Variants in HMGXB4 observed in about 807,000 individuals in gnomAD.
HMGXB4 encodes HMG domain-containing protein 4.
In HMGXB4, 27 loss-of-function variants were observed where a neutral mutation model predicts 63.9. That is an observed-to-expected ratio of 0.42 (90% CI 0.31 to 0.58). The LOEUF (loss-of-function observed/expected upper bound fraction) is 0.58. HMGXB4 is among the 20% of genes least tolerant of loss of function. The pLI is 0.13. For missense variants in HMGXB4, 624 were observed against 700.7 expected (o/e 0.89, Z 1.24); for synonymous variants, 264 against 265.3 (o/e 0.99, Z 0.05).
upstream of HMGXB4, among the ~76,000 whole-genome samples, chr22:35,255,242 A>T (rs1051811567): frequency 3.2e-4 from 48 of 152,122 alleles, no homozygotes; most frequent in Non-Finnish European, 1.5e-4. Flanking sequence ...TCACATCTGT[A>T]ATCCCAGCAC....
upstream of HMGXB4, among the ~76,000 whole-genome samples, chr22:35,256,069 T>C (rs1429601708): frequency 6.6e-6 from 1 of 152,202 alleles, no homozygotes; most frequent in Non-Finnish European, 1.5e-5. Context: ...ACAGAATCAA[T>C]CTTCTACTCA....
intron 5 of HMGXB4, among the ~76,000 whole-genome samples, chr22:35,265,820 T>C (rs1923205391): frequency 6.6e-6 from 1 of 150,874 alleles, no homozygotes; most frequent in Non-Finnish European, 1.5e-5. Context: ...GGAGTCTCGC[T>C]CTGTCGCCCA....
In HMGXB4 at chr22:35,285,073, T is replaced by C. The variant is rs144190778; in HGVS notation, c.1298-924T>C. On this transcript the variant is annotated intron_variant, in intron 6 of 10. Transcript: ENST00000216106. ...TTTTTCAAATTCTACACATATTTTTTAACCTAAGTTGATAGGCCTTGTATT... is the reference window on the plus strand; with the variant it reads ...TTTTTCAAATTCTACACATATTTTTCAACCTAAGTTGATAGGCCTTGTATT... 2.6e-5 allele frequency among the ~76,000 whole-genome samples: 4 copies of C among 152,342 alleles called. No individual in the cohort carries two copies. The East Asian group carries it at 7.7e-4, about 29-fold the overall frequency.
chr22:35,283,754 C>T (rs1457398346), intron 5 of HMGXB4, among the ~76,000 whole-genome samples: 1 of 152,008 alleles, frequency 6.6e-6, no homozygotes, highest in Non-Finnish European at 1.5e-5. Flanking sequence ...TGCGCCACTG[C>T]ACTCCAGCCT....
chr22:35,241,828 TC>T, the HMGXB4 span, among the ~76,000 whole-genome samples: 1 of 152,258 alleles, frequency 6.6e-6, no homozygotes, highest in Middle Eastern at 3.4e-3. Context: ...GGTCTGTGGG[TC>T]CTCTCAGGAT....
chr22:35,253,597 TTG>T (rs561782192), upstream of HMGXB4, among the ~76,000 whole-genome samples: 1 of 125,846 alleles, frequency 7.9e-6, no homozygotes. Flanking sequence ...CTCTTGGATT[TTG>T]TGCGCGCGCG....
rs771053984 is a variant in HMGXB4, at chr22:35,287,341, T to C, written c.1363-6T>C. 1.2e-6 allele frequency: 2 copies of C among 1,602,564 alleles called. No individual in the cohort carries two copies. The highest frequency in any genetic ancestry group is 1.7e-6 in the Non-Finnish European group (2 of 1,170,324). On this transcript the variant is annotated splice_region_variant and splice_polypyrimidine_tract_variant and intron_variant, in intron 7 of 10. Coordinates refer to ENST00000216106, the MANE Select transcript of HMGXB4 (RefSeq NM_001003681.3). The stretch of plus-strand genomic sequence containing the variant: ...TTTAATTTAATGTTCACTGATGTGA[T>C]TGCAGATTTGGAAGCAAAAAGCTCA...
At chr22:35,272,332 C>T (rs1923655115) in intron 5 of HMGXB4, among the ~76,000 whole-genome samples, 1 of 150,330 alleles carries the variant, frequency 6.7e-6, no homozygotes, top group Non-Finnish European at 1.5e-5. Context: ...AACGCAGCAG[C>T]GGTGGGCTCT....
intron 5 of HMGXB4, among the ~76,000 whole-genome samples, chr22:35,278,180 CTTTCT>C (rs1924023268): frequency 6.6e-6 from 1 of 152,148 alleles, no homozygotes; most frequent in Non-Finnish European, 1.5e-5. Flanking sequence ...TGGCTCGACC[CTTTCT>C]TTTTTTCCTG....
intron 5 of HMGXB4, among the ~76,000 whole-genome samples, chr22:35,278,980 AAGACTGTAGTGAGCT>A (rs1924072592): frequency 6.6e-6 from 1 of 151,916 alleles, no homozygotes; most frequent in Admixed American, 6.6e-5. Context: ...CCAGGAATTC[AAGACTGTAGTGAGCT>A]ATGATCGCAC....
Position 35,293,942 on chromosome 22 carries a change from G to A in HMGXB4, c.*291G>A, listed in dbSNP as rs374043358. On this transcript the variant is annotated 3_prime_UTR_variant, in exon 11 of 11. Coordinates refer to ENST00000216106, the MANE Select transcript of HMGXB4 (RefSeq NM_001003681.3). ...GGATAAATCTGCCTTAAAAATCAAT[G>A]TAACTTGGGGGCTGGGGGCTTGTTC... 4 of 204,150 alleles carry A rather than the reference G, an allele frequency of 2.0e-5. No homozygotes were observed. In the Admixed American group the frequency reaches 2.3e-4, roughly 12 times the overall value. The allele number at this position is 204,150 out of a possible 1,614,324, so 12.6% of individuals were successfully genotyped here.
At chr22:35,293,259 T>C (rs928338360) in intron 10 of HMGXB4, 145 bp downstream of exon 10, 3 of 916,272 alleles carry the variant, frequency 3.3e-6, no homozygotes, top group Admixed American at 4.5e-5. Flanking sequence ...TGCTATATTA[T>C]CAAATGCATG....
At chr22:35,266,945 C>A (rs1312639641) in intron 5 of HMGXB4, among the ~76,000 whole-genome samples, 3 of 152,110 alleles carry the variant, frequency 2.0e-5, no homozygotes, top group Non-Finnish European at 4.4e-5. Context: ...AATCTTGCCA[C>A]TGCAACTTCA....
At chr22:35,290,827 T>C (rs1423060071) in intron 9 of HMGXB4, among the ~76,000 whole-genome samples, 1 of 152,174 alleles carries the variant, frequency 6.6e-6, no homozygotes, top group Non-Finnish European at 1.5e-5. Flanking sequence ...TACAGTGACA[T>C]TCATGACATC....
Position 35,264,835 on chromosome 22 carries a change from G to A in HMGXB4, c.447G>A (p.Arg149=). The part of the protein sequence containing the change: ...SHSESKKEHH[R]KKVSGSSGEL... ...CGGAGAGTAAAAAGGAGCACCACAGGAAGAAAGTCAGTGGAAGCAGTGGGG... is the reference window on the plus strand; with the variant it reads ...CGGAGAGTAAAAAGGAGCACCACAGAAAGAAAGTCAGTGGAAGCAGTGGGG... Residue 149 remains arginine, a synonymous_variant, in exon 5 of 11, where the codon AGG becomes AGA. Transcript: ENST00000216106. The A allele has an allele frequency of 6.2e-7, 1 of 1,614,072 alleles. No homozygotes were observed.
At chr22:35,290,294 T>C (rs1215224936) in intron 9 of HMGXB4, among the ~76,000 whole-genome samples, 2 of 152,184 alleles carry the variant, frequency 1.3e-5, no homozygotes, top group Admixed American at 1.3e-4. Flanking sequence ...TTTTAATATA[T>C]TCACAGAATT....
At chr22:35,281,944 T>C (rs927660228) in intron 5 of HMGXB4, among the ~76,000 whole-genome samples, 2 of 152,204 alleles carry the variant, frequency 1.3e-5, no homozygotes, top group African/African-American at 4.8e-5. Flanking sequence ...TCACATAAGC[T>C]TTTTATTGCC....
chr22:35,254,051 G>A (rs564939670), upstream of HMGXB4, among the ~76,000 whole-genome samples: 3 of 152,202 alleles, frequency 2.0e-5, no homozygotes, highest in South Asian at 2.1e-4. Context: ...AGACAAAGAC[G>A]CTGCTCAAAA....
chr22:35,293,067 C>T lies in HMGXB4; in HGVS notation c.1714C>T (p.Leu572Phe). Residue 572 changes from leucine to phenylalanine, a missense_variant, in exon 10 of 11, where the codon CTC becomes TTC. By Grantham distance (22) the Leu-to-Phe change is conservative. Transcript: ENST00000216106. ...IICALGPLAC[L>F]TTQLPELNGC... Reference sequence around the variant, plus strand: ...CTGTGCCCTTGGCCCCTTGGCATGTCTCACCACACAACTACCTGAATTGAA... The same window carrying T: ...CTGTGCCCTTGGCCCCTTGGCATGTTTCACCACACAACTACCTGAATTGAA... 6.2e-7 allele frequency: 1 copy of T among 1,614,228 alleles called. No individual in the cohort carries two copies. Among genetic ancestry groups the T allele is most frequent in the Non-Finnish European group, 8.5e-7 (1 of 1,180,040 alleles).
Sources: gnomAD v4.1 joint callset for allele counts (sites outside exome capture counted in the v4.1 genomes callset) on GRCh38, gnomAD v4.1.1 for gene constraint, MANE v1.5 for transcripts, NCBI Gene and HGNC (gene_info 2026-07-23, HGNC 2026-07-21) for gene names.